Variants in ARHGAP32 observed in about 807,000 individuals in gnomAD.
ARHGAP32 encodes Rho GTPase activating protein 32.
Under a neutral mutation model 186.5 loss-of-function variants are expected in ARHGAP32, and 51 were observed. The ratio of observed to expected loss-of-function variants is 0.27; its 90% CI spans 0.22 to 0.35. The LOEUF (loss-of-function observed/expected upper bound fraction) is 0.35, where lower values mean the gene tolerates loss of function less well. Ranked by LOEUF, ARHGAP32 falls within the 10% of genes least tolerant of loss-of-function variation. The pLI is 1.00. For missense variants in ARHGAP32, 2,186 were observed against 2,623.5 expected, an observed-to-expected ratio of 0.83 and a Z score of 3.64; for synonymous variants, 950 against 964.3, an observed-to-expected ratio of 0.99 and a Z score of 0.27.
chr11:129,013,057 C>T (rs922312444), intron 11 of ARHGAP32, among the ~76,000 whole-genome samples: 1 of 152,172 alleles, frequency 6.6e-6, no homozygotes, highest in South Asian at 2.1e-4. Context: ...AAGTTTAGAT[C>T]AGGAACAAGG....
At chr11:129,009,090 G>C (rs1937940216) in intron 11 of ARHGAP32, among the ~76,000 whole-genome samples, 1 of 152,106 alleles carries the variant, frequency 6.6e-6, no homozygotes, top group East Asian at 1.9e-4. Flanking sequence ...CAATAATTTG[G>C]AAGAATTTTA....
chr11:129,099,529 A>C (rs775710944), intron 5 of ARHGAP32, among the ~76,000 whole-genome samples: 13 of 152,168 alleles, frequency 8.5e-5, no homozygotes, highest in Non-Finnish European at 1.5e-4. Flanking sequence ...ATGCATTACT[A>C]TATATGGTGG....
chr11:129,194,122 T>C (rs1944359170), upstream of ARHGAP32, among the ~76,000 whole-genome samples: 1 of 152,034 alleles, frequency 6.6e-6, no homozygotes, highest in Non-Finnish European at 1.5e-5. Context: ...AAAGAGGACA[T>C]GGGAAAAGAA....
intron 1 of ARHGAP32, among the ~76,000 whole-genome samples, chr11:129,240,450 C>T (rs1945000308): frequency 6.6e-6 from 1 of 152,100 alleles, no homozygotes. Flanking sequence ...TTCAGTAGGC[C>T]CATCTCAAGT....
chr11:129,161,619 A>T (rs918176694), intron 2 of ARHGAP32, among the ~76,000 whole-genome samples: 5 of 152,182 alleles, frequency 3.3e-5, no homozygotes, highest in African/African-American at 1.2e-4. Flanking sequence ...CACTAGTTAG[A>T]ATGGTGATCA....
At chr11:129,166,694 A>C (rs2135493151) in intron 1 of ARHGAP32, among the ~76,000 whole-genome samples, 1 of 152,256 alleles carries the variant, frequency 6.6e-6, no homozygotes, top group African/African-American at 2.4e-5. Flanking sequence ...TTATTTACAA[A>C]TGAAAGCTGA....
chr11:129,196,506 T>C (rs1421580316), upstream of ARHGAP32, among the ~76,000 whole-genome samples: 2 of 152,244 alleles, frequency 1.3e-5, no homozygotes, highest in Admixed American at 1.3e-4. Flanking sequence ...CAACATTTTA[T>C]ATAAGTGACT....
intron 13 of ARHGAP32, among the ~76,000 whole-genome samples, 196 bp from the exon 14 acceptor site, chr11:128,986,864 C>G (rs1323637726): frequency 6.6e-6 from 1 of 152,164 alleles, no homozygotes; most frequent in Non-Finnish European, 1.5e-5. Context: ...AGATAGATGT[C>G]TTTCTATGTG....
chr11:129,235,752 ATT>A (rs1428076646), intron 1 of ARHGAP32, among the ~76,000 whole-genome samples: 1 of 152,004 alleles, frequency 6.6e-6, no homozygotes, highest in Non-Finnish European at 1.5e-5. Context: ...CCATTATATC[ATT>A]CTTATGCCTT....
At chr11:129,227,503 T>C (rs1037953897) in intron 1 of ARHGAP32, among the ~76,000 whole-genome samples, 2 of 148,966 alleles carry the variant, frequency 1.3e-5, no homozygotes, top group African/African-American at 4.9e-5. Flanking sequence ...CTAAACATGA[T>C]CCAAATATAT....
At chr11:129,066,657 T>C (rs1355003645) in intron 7 of ARHGAP32, 74 bp downstream of exon 7, 4 of 1,436,284 alleles carry the variant, frequency 2.8e-6, no homozygotes, top group Non-Finnish European at 1.9e-6. Context: ...AAGCTTTTGT[T>C]TAGTATACAG....
intron 5 of ARHGAP32, among the ~76,000 whole-genome samples, chr11:129,106,455 A>G (rs1942050542): frequency 6.6e-6 from 1 of 152,168 alleles, no homozygotes; most frequent in African/African-American, 2.4e-5. Flanking sequence ...CTCACTCATA[A>G]GTCGGAGCTG....
At chr11:129,257,652 T>G (rs1447862845) in intron 1 of ARHGAP32, among the ~76,000 whole-genome samples, 2 of 149,626 alleles carry the variant, frequency 1.3e-5, no homozygotes, top group African/African-American at 4.9e-5. Flanking sequence ...CAGAAAACAT[T>G]GAATAAGTTT....
chr11:129,149,520 G>A (rs994637548), intron 2 of ARHGAP32, among the ~76,000 whole-genome samples: 2 of 152,176 alleles, frequency 1.3e-5, no homozygotes, highest in African/African-American at 4.8e-5. Context: ...TGGGTGGCTA[G>A]ACCCAGAAGA....
At chr11:129,114,661 A>C (rs1488253431) in intron 5 of ARHGAP32, among the ~76,000 whole-genome samples, 3 of 152,156 alleles carry the variant, frequency 2.0e-5, no homozygotes, top group African/African-American at 7.2e-5. Context: ...TTATGACAGC[A>C]ACTCAGTGAT....
chr11:129,246,445 G>A (rs1404151251), intron 1 of ARHGAP32, among the ~76,000 whole-genome samples: 2 of 152,036 alleles, frequency 1.3e-5, no homozygotes, highest in Non-Finnish European at 2.9e-5. Context: ...AAAATGTTTT[G>A]ATAATGAATA....
At chr11:129,034,201 T>G (rs497619) in intron 11 of ARHGAP32, among the ~76,000 whole-genome samples, 1 of 152,128 alleles carries the variant, frequency 6.6e-6, no homozygotes, top group Non-Finnish European at 1.5e-5. Flanking sequence ...TGACCTCCTC[T>G]ACTCCATCAG....
intron 11 of ARHGAP32, among the ~76,000 whole-genome samples, chr11:129,004,227 TATCAC>T (rs934966958): frequency 6.6e-6 from 1 of 150,630 alleles, no homozygotes; most frequent in Non-Finnish European, 1.5e-5. Flanking sequence ...AGATGCCTGA[TATCAC>T]TTCAATGCTT....
At chr11:129,000,980 A>T (rs1469625340) in intron 11 of ARHGAP32, among the ~76,000 whole-genome samples, 2 of 152,304 alleles carry the variant, frequency 1.3e-5, no homozygotes, top group East Asian at 3.9e-4. Context: ...TTATGGCTGA[A>T]TACTACCCCA....
Sources: gnomAD v4.1 joint callset for allele counts (sites outside exome capture counted in the v4.1 genomes callset) on GRCh38, gnomAD v4.1.1 for gene constraint, MANE v1.5 for transcripts, NCBI Gene and HGNC (gene_info 2026-07-23, HGNC 2026-07-21) for gene names.